CDKL1: variants seen among roughly 807,000 people sequenced by gnomAD.
CDKL1 encodes the protein cyclin-dependent kinase-like 1.
In CDKL1, 41 loss-of-function variants were observed where a neutral mutation model predicts 42.0. The observed-to-expected ratio is 0.98, with a 90% CI of 0.76 to 1.27. The LOEUF (loss-of-function observed/expected upper bound fraction) is 1.27, where lower values mean the gene tolerates loss of function less well. Among genes scored for constraint, CDKL1 ranks in the 50% most tolerant of loss-of-function variants. CDKL1 has a pLI of 0.00. For synonymous variants in CDKL1, 153 were observed against 158.6 expected (o/e 0.96, Z 0.26); for missense variants, 394 against 428.4 (o/e 0.92, Z 0.71).
chr14:50,326,562 A>T lies in CDKL1; in HGVS notation c.*3512T>A. On this transcript the variant is annotated 3_prime_UTR_variant, in exon 10 of 10. Coordinates refer to ENST00000395834, the MANE Select transcript of CDKL1 (RefSeq NM_004196.7). ...ATGATCCTGCATTCTTGTGTTCTTG[A>T]TAGCATACAGACTTACTCAGAATCA... 1.0e-6 allele frequency: 1 copy of T among 985,444 alleles called. No homozygotes were observed. The highest frequency in any genetic ancestry group is 1.2e-6 in the Non-Finnish European group (1 of 829,928). 61.0% of individuals were successfully genotyped at this position (985,444 alleles called of 1,614,324 possible).
At chr14:50,342,323 A>G in intron 4 of CDKL1, 101 bp from the exon 5 acceptor site, 1 of 1,472,392 alleles carries the variant, frequency 6.8e-7, no homozygotes, top group Non-Finnish European at 9.2e-7. Context: ...AATCATTTAA[A>G]TCTCTCCTTG....
At position 50,341,456 on chromosome 14, in the gene CDKL1, TGGGGGG is replaced by T. The variant is rs10598932; in HGVS notation, c.455-230_455-225del. ...TAAAACAGAATCCCTGGGGAGGGTC[TGGGGGG>T]GGGGGGGGGGTTATTTGGCTTAGAA... is the stretch of plus-strand genomic sequence containing the variant. On this transcript the variant is annotated intron_variant, in intron 5 of 9. Transcript: ENST00000395834. 1.3e-3 allele frequency among the ~76,000 whole-genome samples: 95 copies of T among 71,634 alleles called. 5 individuals carry two copies. Among genetic ancestry groups the T allele is most frequent in the Non-Finnish European group, 3.8e-4 (12 of 31,170 alleles). The allele number at this position is 71,634 out of a possible 152,430, so 47.0% of individuals were successfully genotyped here.
chr14:50,366,318 T>G (rs1289698740), intron 2 of CDKL1, among the ~76,000 whole-genome samples: 1 of 151,202 alleles, frequency 6.6e-6, no homozygotes, highest in Non-Finnish European at 1.5e-5. Flanking sequence ...AGGGCAGGGG[T>G]GGTGGTAAAG....
intron 2 of CDKL1, chr14:50,377,574 G>A: frequency 7.4e-7 from 1 of 1,345,902 alleles, no homozygotes; most frequent in South Asian, 1.2e-5. Flanking sequence ...CCTTCAGAAT[G>A]GAATTCTGGA....
chr14:50,395,683 G>C lies in CDKL1; in HGVS notation c.168+18C>G. The C allele has an allele frequency of 6.4e-7, 1 of 1,564,782 alleles. No individual in the cohort carries two copies. The highest frequency in any genetic ancestry group is 1.1e-5 in the South Asian group (1 of 89,236). ...CCCTGTCTCGAAAAAGAAAAAAAAG[G>C]AAAAGTGAATCAATTACCTTGAGCA... On this transcript the variant is annotated intron_variant, in intron 2 of 9. Transcript: ENST00000395834.
rs1171292008 is a variant in CDKL1 at position 50,332,421 on chromosome 14, G to A, written c.807C>T (p.His269=). ...ATGTCAGCCTTTGAGTAGGGTCCATGTGGAGACAGCCCTAAAAGAACAGAA... is the reference window on the plus strand; with the variant it reads ...ATGTCAGCCTTTGAGTAGGGTCCATATGGAGACAGCCCTAAAAGAACAGAA... The part of the protein sequence containing the change: ...PALGLLKGCL[H]MDPTQRLTCE... Residue 269 remains histidine, a synonymous_variant, in exon 9 of 10, where the codon CAC becomes CAT. Coordinates refer to ENST00000395834, the MANE Select transcript of CDKL1 (RefSeq NM_004196.7). 2.5e-6 allele frequency: 4 copies of A among 1,610,602 alleles called. No homozygotes were observed.
chr14:50,367,743 G>A (rs1221080043), intron 2 of CDKL1, among the ~76,000 whole-genome samples: 1 of 152,148 alleles, frequency 6.6e-6, no homozygotes, highest in African/African-American at 2.4e-5. Flanking sequence ...CAAAGCCTCA[G>A]GTCTGGGGCG....
chr14:50,388,626 T>C (rs561987912), intron 2 of CDKL1, among the ~76,000 whole-genome samples: 7 of 152,324 alleles, frequency 4.6e-5, no homozygotes, highest in Admixed American at 2.0e-4. Flanking sequence ...TGCTCTTGCA[T>C]CCTTGAGGCT....
At chr14:50,378,086 C>T in intron 2 of CDKL1, 1 of 1,166,806 alleles carries the variant, frequency 8.6e-7, no homozygotes, top group South Asian at 1.4e-5. Context: ...GAGAAAGAGC[C>T]TGAGAATCTG....
intron 2 of CDKL1, among the ~76,000 whole-genome samples, chr14:50,375,443 G>C (rs1242362133): frequency 6.6e-6 from 1 of 152,236 alleles, no homozygotes; most frequent in Non-Finnish European, 1.5e-5. Context: ...GCTGCACGTA[G>C]TGACTTCCTT....
At position 50,395,857 on chromosome 14, in the gene CDKL1, A is replaced by G. The variant is rs1432018516; in HGVS notation, c.12T>C (p.Tyr4=). The G allele has an allele frequency of 5.1e-5, 83 of 1,612,248 alleles. No homozygotes were observed. Among genetic ancestry groups the G allele is most frequent in the Non-Finnish European group, 7.0e-5 (82 of 1,178,372 alleles). ...CTTCTCCAATTTTCCCAATTTTTTC[A>G]TACTTCTCCATCATAGAGGAATAAA... MEK[Y]EKIGKIGEGS... Residue 4 remains tyrosine, a synonymous_variant, in exon 2 of 10, where the codon TAT becomes TAC. Coordinates refer to ENST00000395834, the MANE Select transcript of CDKL1 (RefSeq NM_004196.7).
chr14:50,332,876 T>G, intron 8 of CDKL1: 1 of 461,286 alleles, frequency 2.2e-6, no homozygotes. Flanking sequence ...ACTGTAGGTG[T>G]TCCCTTCACC....
chr14:50,337,424 T>C (rs2139382849), intron 7 of CDKL1, among the ~76,000 whole-genome samples: 1 of 150,784 alleles, frequency 6.6e-6, no homozygotes, highest in Non-Finnish European at 1.5e-5. Flanking sequence ...TGATCATAGT[T>C]TACTGTAACC....
At position 50,330,089 on chromosome 14, in the gene CDKL1, A is replaced by G; in HGVS notation, c.1059T>C (p.Arg353=). ...YYCDTKKLNY[R]FPNI Reference sequence around the variant, plus strand: ...CCTAGCTCCTTTAAATGTTTGGAAAACGGTAGTTAAGTTTCTTGGTATCAC... The same window carrying G: ...CCTAGCTCCTTTAAATGTTTGGAAAGCGGTAGTTAAGTTTCTTGGTATCAC... Residue 353 remains arginine, a synonymous_variant, in exon 10 of 10, where the codon CGT becomes CGC. Transcript: ENST00000395834. 1 of 1,608,330 alleles carries G rather than the reference A, an allele frequency of 6.2e-7. No individual in the cohort carries two copies. The highest frequency in any genetic ancestry group is 1.1e-5 in the South Asian group (1 of 89,130).
rs768482328 is a variant in CDKL1, at chr14:50,391,081, C to T, written c.168+4620G>A. 2.6e-5 allele frequency among the ~76,000 whole-genome samples: 4 copies of T among 152,266 alleles called. No homozygotes were observed. In the East Asian group the frequency reaches 5.8e-4, roughly 22 times the overall value. On this transcript the variant is annotated intron_variant, in intron 2 of 9. Coordinates refer to ENST00000395834, the MANE Select transcript of CDKL1 (RefSeq NM_004196.7). ...AACTCATGGGCTCGAGAGATCAGCA[C>T]GTTGGCCTCCCAAAATACTGGGATT...
At chr14:50,392,298 T>C (rs1036102990) in intron 2 of CDKL1, among the ~76,000 whole-genome samples, 2 of 151,900 alleles carry the variant, frequency 1.3e-5, no homozygotes, top group Non-Finnish European at 2.9e-5. Flanking sequence ...ATACAAAAAG[T>C]GGCCAGGTGT....
chr14:50,395,773 G>A lies in CDKL1; in HGVS notation c.96C>T (p.Ile32=), dbSNP rs773054348. 6.2e-7 allele frequency: 1 copy of A among 1,613,854 alleles called. No homozygotes were observed. The highest frequency in any genetic ancestry group is 8.5e-7 in the Non-Finnish European group (1 of 1,179,726). ...RNRDTGQIVA[I]KKFLESEDDP... is the part of the protein sequence containing the mutation. ...CATCTTCTGATTCCAGAAACTTCTT[G>A]ATGGCCACAATCTGACCCGTGTCCC... Residue 32 remains isoleucine (I), a synonymous_variant, in exon 2 of 10, where the codon ATC becomes ATT. Transcript: ENST00000395834.
At chr14:50,392,458 TAATAA>T (rs1392424489) in intron 2 of CDKL1, among the ~76,000 whole-genome samples, 12 of 140,100 alleles carry the variant, frequency 8.6e-5, no homozygotes, top group Non-Finnish European at 1.2e-4. Flanking sequence ...AAAGAAATAA[TAATAA>T]TAATAATAAT....
At chr14:50,348,212 A>G (rs2033789833) in intron 3 of CDKL1, among the ~76,000 whole-genome samples, 1 of 152,236 alleles carries the variant, frequency 6.6e-6, no homozygotes, top group African/African-American at 2.4e-5. Context: ...TTCATCCAGA[A>G]AGAATCCTCA....
Sources: allele counts gnomAD v4.1 joint callset (sites outside exome capture counted in the v4.1 genomes callset), GRCh38; gene constraint gnomAD v4.1.1; transcripts MANE v1.5; gene names NCBI Gene and HGNC (gene_info 2026-07-23, HGNC 2026-07-21).